Variants in XKR9 observed in about 807,000 individuals in gnomAD.
XKR9 encodes XK-related protein 9.
In XKR9, 32 loss-of-function variants were observed where a neutral mutation model predicts 32.0. The ratio of observed to expected loss-of-function variants is 1.00; its 90% CI spans 0.76 to 1.34. XKR9 has a LOEUF of 1.34. Ranked by LOEUF, XKR9 falls within the 40% of genes most tolerant of loss-of-function variation. The pLI is 0.00. For synonymous variants in XKR9, 168 were observed against 143.4 expected (o/e 1.17, Z -1.22); for missense variants, 546 against 429.7 (o/e 1.27, Z -2.39).
intron 2 of XKR9, among the ~76,000 whole-genome samples, chr8:70,757,877 G>A (rs139812995): frequency 6.6e-5 from 10 of 152,242 alleles, no homozygotes; most frequent in East Asian, 1.9e-4. Context: ...GTGAGCCACC[G>A]TGCCTGGCTG....
intron 2 of XKR9, among the ~76,000 whole-genome samples, chr8:70,760,380 A>G (rs140771926): frequency 1.3e-5 from 2 of 152,346 alleles, no homozygotes; most frequent in Non-Finnish European, 2.9e-5. Flanking sequence ...TAATTTATAC[A>G]GTATGTGCAC....
the XKR9 span, among the ~76,000 whole-genome samples, chr8:70,918,097 A>G: frequency 2.4e-4 from 36 of 152,362 alleles, no homozygotes; most frequent in African/African-American, 6.7e-4. Context: ...CTTCTGCTTC[A>G]AAAGTTTTAC....
At chr8:70,993,599 C>CTG in the XKR9 span, among the ~76,000 whole-genome samples, 3 of 70,166 alleles carry the variant, frequency 4.3e-5, no homozygotes, top group Non-Finnish European at 1.4e-4. Flanking sequence ...TTTCATAGGA[C>CTG]ATCTTCCTTC....
the XKR9 span, among the ~76,000 whole-genome samples, chr8:70,905,730 T>G: frequency 6.6e-6 from 1 of 152,252 alleles, no homozygotes; most frequent in South Asian, 2.1e-4. Context: ...TCAGCTTTTC[T>G]GCTCTGGTTT....
In XKR9 at chr8:70,722,910, C is replaced by T. The variant is rs1348545894; in HGVS notation, c.494-10886C>T. 2.6e-5 allele frequency among the ~76,000 whole-genome samples: 4 copies of T among 151,956 alleles called. No homozygotes were observed. The East Asian group carries it at 7.7e-4, about 29-fold the overall frequency. ...TTTTTTTTTTTACTTTGCTTCCATT[C>T]TCTTCATCATTTTCAGATACACCAG... On this transcript the variant is annotated intron_variant, in intron 4 of 4. Transcript: ENST00000408926.
chr8:70,724,219 G>A (rs1378906840), intron 4 of XKR9, among the ~76,000 whole-genome samples: 4 of 152,078 alleles, frequency 2.6e-5, no homozygotes, highest in African/African-American at 4.8e-5. Context: ...CAGTAATGGC[G>A]CACGCCTCTC....
the XKR9 span, among the ~76,000 whole-genome samples, chr8:70,956,978 G>A: frequency 5.9e-5 from 9 of 152,248 alleles, no homozygotes; most frequent in African/African-American, 2.2e-4. Context: ...CTCGATAGGG[G>A]GGCAGGACTC....
chr8:70,712,631 G>C (rs1024839606), intron 4 of XKR9, among the ~76,000 whole-genome samples: 1 of 152,104 alleles, frequency 6.6e-6, no homozygotes, highest in African/African-American at 2.4e-5. Context: ...ATGCTGAGTA[G>C]AGCAGAGAAA....
At chr8:70,876,555 C>G in the XKR9 span, among the ~76,000 whole-genome samples, 1 of 152,052 alleles carries the variant, frequency 6.6e-6, no homozygotes, top group Non-Finnish European at 1.5e-5. Flanking sequence ...ATAAAAATCT[C>G]TACTTTGAAG....
chr8:70,838,518 T>A, the XKR9 span, among the ~76,000 whole-genome samples: 1 of 152,010 alleles, frequency 6.6e-6, no homozygotes, highest in African/African-American at 2.4e-5. Context: ...CATAGCCCCA[T>A]AACAAGCCTG....
At chr8:71,010,210 T>C in the XKR9 span, among the ~76,000 whole-genome samples, 2 of 152,168 alleles carry the variant, frequency 1.3e-5, no homozygotes, top group African/African-American at 4.8e-5. Context: ...TGATAAGAAG[T>C]GTTTTCTGAA....
chr8:70,739,755 G>C (rs1251362353), downstream of XKR9, among the ~76,000 whole-genome samples: 6 of 152,134 alleles, frequency 3.9e-5, no homozygotes, highest in Non-Finnish European at 1.5e-5. Context: ...ATGAAATTCT[G>C]GGTTGAAAAT....
At chr8:70,704,928 C>T (rs1260430245) in intron 3 of XKR9, among the ~76,000 whole-genome samples, 1 of 152,040 alleles carries the variant, frequency 6.6e-6, no homozygotes, top group Non-Finnish European at 1.5e-5. Flanking sequence ...CTGCCTTATA[C>T]TGCAGCTAGT....
the XKR9 span, among the ~76,000 whole-genome samples, chr8:70,815,338 A>G: frequency 1.3e-5 from 2 of 151,956 alleles, no homozygotes; most frequent in African/African-American, 4.8e-5. Flanking sequence ...CTACCCTCCA[A>G]TAGGCCTCTG....
intron 2 of XKR9, among the ~76,000 whole-genome samples, chr8:70,761,546 G>T (rs1427954967): frequency 6.6e-6 from 1 of 151,876 alleles, no homozygotes; most frequent in African/African-American, 2.4e-5. Flanking sequence ...TAATGAGGCT[G>T]TTAGTTTTTT....
chr8:70,725,593 G>A (rs1490888244), intron 4 of XKR9, among the ~76,000 whole-genome samples: 4 of 151,980 alleles, frequency 2.6e-5, no homozygotes, highest in African/African-American at 4.8e-5. Context: ...TTTAAAAAAC[G>A]ATGTACGAGA....
the XKR9 span, among the ~76,000 whole-genome samples, chr8:70,831,216 G>T: frequency 7.9e-5 from 12 of 151,178 alleles, no homozygotes; most frequent in African/African-American, 2.9e-4. Context: ...TCTTGAACCT[G>T]GGAGACGGAG....
the XKR9 span, among the ~76,000 whole-genome samples, chr8:70,811,762 A>T: frequency 6.6e-6 from 1 of 151,988 alleles, no homozygotes; most frequent in Non-Finnish European, 1.5e-5. Context: ...ATCTCAGAAT[A>T]GACCAATAAC....
the XKR9 span, among the ~76,000 whole-genome samples, chr8:70,900,758 C>T: frequency 7.2e-5 from 11 of 152,028 alleles, no homozygotes; most frequent in East Asian, 1.9e-4. Flanking sequence ...TGTACTGCAC[C>T]GGTTAACTTG....
Sources: gnomAD v4.1 joint callset for allele counts (sites outside exome capture counted in the v4.1 genomes callset) on GRCh38, gnomAD v4.1.1 for gene constraint, MANE v1.5 for transcripts, NCBI Gene and HGNC (gene_info 2026-07-23, HGNC 2026-07-21) for gene names.